The following KIAA1217 variants were observed in gnomAD, a reference collection of about 807,000 sequenced individuals.
KIAA1217 encodes KIAA1217, also known as sickle tail protein homolog.
Under a neutral mutation model 163.9 loss-of-function variants are expected in KIAA1217, and 88 were observed. That is an observed-to-expected ratio of 0.54 (90% CI 0.45 to 0.64). The LOEUF is 0.64. Ranked by LOEUF, KIAA1217 falls within the 30% of genes least tolerant of loss-of-function variation. The pLI is 0.00. For missense variants in KIAA1217, 2,372 were observed against 2,475.0 expected, an observed-to-expected ratio of 0.96 and a Z score of 0.88; for synonymous variants, 903 against 923.1, an observed-to-expected ratio of 0.98 and a Z score of 0.39.
At chr10:24,390,003 C>A (rs186591697) in intron 3 of KIAA1217, among the ~76,000 whole-genome samples, 1 of 152,210 alleles carries the variant, frequency 6.6e-6, no homozygotes, top group African/African-American at 2.4e-5. Context: ...TCACACCTGA[C>A]CAGAGTTTAA....
At chr10:23,741,746 A>G (rs575732274) in intron 1 of KIAA1217, among the ~76,000 whole-genome samples, 2 of 152,300 alleles carry the variant, frequency 1.3e-5, no homozygotes, top group African/African-American at 4.8e-5. Context: ...GGAGAGCCAA[A>G]CATCAAACAA....
intron 9 of KIAA1217, among the ~76,000 whole-genome samples, chr10:24,506,841 GACTGGAGA>G (rs2068429767): frequency 6.6e-6 from 1 of 152,172 alleles, no homozygotes; most frequent in Non-Finnish European, 1.5e-5. Flanking sequence ...AGAACTGGTG[GACTGGAGA>G]ACCAAACACA....
At chr10:23,883,113 G>A (rs1353889897) in intron 1 of KIAA1217, among the ~76,000 whole-genome samples, 1 of 151,870 alleles carries the variant, frequency 6.6e-6, no homozygotes, top group Non-Finnish European at 1.5e-5. Flanking sequence ...TATTCCTTAA[G>A]TTGTTATGGT....
At chr10:24,484,002 C>T (rs927475969) in intron 6 of KIAA1217, among the ~76,000 whole-genome samples, 1 of 151,908 alleles carries the variant, frequency 6.6e-6, no homozygotes, top group Non-Finnish European at 1.5e-5. Flanking sequence ...AGAAAGCCTG[C>T]AAGCTAATTG....
At chr10:24,534,830 A>G (rs980957363) in intron 16 of KIAA1217, among the ~76,000 whole-genome samples, 24 of 148,986 alleles carry the variant, frequency 1.6e-4, no homozygotes, top group Admixed American at 1.4e-3. Context: ...GCAGTGAGCC[A>G]GGATCACACC....
At chr10:23,961,840 CCT>C in intron 1 of KIAA1217, among the ~76,000 whole-genome samples, 1 of 152,230 alleles carries the variant, frequency 6.6e-6, no homozygotes, top group South Asian at 2.1e-4. Context: ...CTATTCCAGA[CCT>C]CTCTCCTTGG....
At chr10:24,188,838 GCTCAC>G (rs1216385825) in intron 2 of KIAA1217, among the ~76,000 whole-genome samples, 2 of 152,180 alleles carry the variant, frequency 1.3e-5, no homozygotes, top group Non-Finnish European at 2.9e-5. Context: ...GGGTGCAGTG[GCTCAC>G]GCCTGTAATC....
At chr10:24,520,684 A>ACACG (rs2071083906) in intron 11 of KIAA1217, among the ~76,000 whole-genome samples, 1 of 128,358 alleles carries the variant, frequency 7.8e-6, no homozygotes, top group Non-Finnish European at 1.6e-5. Context: ...ATACACACAC[A>ACACG]CACAAAAAAA....
intron 1 of KIAA1217, among the ~76,000 whole-genome samples, chr10:23,751,038 T>A (rs1016786304): frequency 6.6e-6 from 1 of 151,618 alleles, no homozygotes; most frequent in African/African-American, 2.4e-5. Flanking sequence ...TTGGTTTTTG[T>A]TTTTTTGGAT....
At chr10:24,079,556 G>A (rs756145971) in intron 2 of KIAA1217, among the ~76,000 whole-genome samples, 1 of 152,164 alleles carries the variant, frequency 6.6e-6, no homozygotes, top group African/African-American at 2.4e-5. Flanking sequence ...ATACAAGTAA[G>A]GTATCTGATT....
At chr10:24,157,831 T>C (rs2064946887) in intron 2 of KIAA1217, 2 of 504,478 alleles carry the variant, frequency 4.0e-6, no homozygotes, top group East Asian at 6.3e-5. Context: ...AAGTTCCTGA[T>C]GCAATGGCAG....
At chr10:24,487,209 C>G (rs985768956) in intron 6 of KIAA1217, among the ~76,000 whole-genome samples, 1 of 152,210 alleles carries the variant, frequency 6.6e-6, no homozygotes, top group African/African-American at 2.4e-5. Flanking sequence ...TCTTCCGCAG[C>G]CTATTGCTCC....
chr10:24,132,319 T>A (rs1248571980), intron 2 of KIAA1217, among the ~76,000 whole-genome samples: 1 of 152,180 alleles, frequency 6.6e-6, no homozygotes, highest in African/African-American at 2.4e-5. Context: ...TGTCACATCA[T>A]CAATAATTTT....
At chr10:24,331,540 A>G (rs1485481654) in intron 2 of KIAA1217, among the ~76,000 whole-genome samples, 1 of 152,242 alleles carries the variant, frequency 6.6e-6, no homozygotes, top group East Asian at 1.9e-4. Flanking sequence ...GCAATGAGGT[A>G]GAGAAGGTAG....
chr10:24,384,283 AT>A (rs11304806), intron 3 of KIAA1217, among the ~76,000 whole-genome samples: 78,111 of 151,532 alleles, frequency 0.52, 22,654 homozygotes, highest in African/African-American at 0.8. Context: ...TTTATCATGA[AT>A]TTTTTTTATC....
chr10:23,794,250 A>G (rs1236197960), intron 1 of KIAA1217, among the ~76,000 whole-genome samples: 1 of 152,200 alleles, frequency 6.6e-6, no homozygotes, highest in African/African-American at 2.4e-5. Context: ...TGATATCACT[A>G]ATCATAAAGT....
chr10:24,279,971 G>A (rs1242371280), intron 2 of KIAA1217, among the ~76,000 whole-genome samples: 1 of 152,150 alleles, frequency 6.6e-6, no homozygotes, highest in East Asian at 1.9e-4. Context: ...ACTCAGTGAA[G>A]GCTCCTCTGT....
chr10:24,075,563 C>A (rs938016422), intron 2 of KIAA1217, among the ~76,000 whole-genome samples: 3 of 151,234 alleles, frequency 2.0e-5, no homozygotes, highest in African/African-American at 7.3e-5. Flanking sequence ...TCCCAAGTAA[C>A]CTGAAAATGC....
intron 5 of KIAA1217, among the ~76,000 whole-genome samples, chr10:24,442,628 G>A (rs1342982731): frequency 1.3e-5 from 2 of 152,112 alleles, no homozygotes; most frequent in Non-Finnish European, 2.9e-5. Context: ...TTGAAGAATG[G>A]AGGGGCTATG....
Sources: gnomAD v4.1 joint callset for allele counts (sites outside exome capture counted in the v4.1 genomes callset) on GRCh38, gnomAD v4.1.1 for gene constraint, MANE v1.5 for transcripts, NCBI Gene and HGNC (gene_info 2026-07-23, HGNC 2026-07-21) for gene names.